The following CDH5 variants were observed in gnomAD, a reference collection of about 807,000 sequenced individuals.
CDH5 encodes cadherin-5.
In CDH5, 28 loss-of-function variants were observed where a neutral mutation model predicts 62.0. The ratio of observed to expected loss-of-function variants is 0.45; its 90% confidence interval spans 0.33 to 0.62. The LOEUF is 0.62. Among genes scored for constraint, CDH5 ranks in the 20% least tolerant of loss-of-function variants. CDH5 has a pLI of 0.02. For missense variants in CDH5, 940 were observed against 1,065.1 expected (o/e 0.88, Z 1.63); for synonymous variants, 464 against 445.8 (o/e 1.04, Z -0.52).
intron 1 of CDH5, among the ~76,000 whole-genome samples, chr16:66,373,964 T>A (rs1361627647): frequency 6.6e-6 from 1 of 152,062 alleles, no homozygotes; most frequent in Non-Finnish European, 1.5e-5. Flanking sequence ...TATTATTACA[T>A]GTGAATGTCA....
chr16:66,379,869 TGGTGGTGGCTGTG>T (rs1960858565), intron 2 of CDH5, among the ~76,000 whole-genome samples: 1 of 149,362 alleles, frequency 6.7e-6, no homozygotes, highest in East Asian at 2.0e-4. Context: ...GTGGTGATGG[TGGTGGTGGCTGTG>T]ATGGTGGTGA....
At chr16:66,375,833 T>C (rs1960775774) in intron 1 of CDH5, among the ~76,000 whole-genome samples, 1 of 150,500 alleles carries the variant, frequency 6.6e-6, no homozygotes, top group Non-Finnish European at 1.5e-5. Context: ...AGCCACCGGC[T>C]ACGGTGGCTC....
At chr16:66,379,021 A>G (rs1795365240) in intron 1 of CDH5, among the ~76,000 whole-genome samples, 1 of 152,214 alleles carries the variant, frequency 6.6e-6, no homozygotes, top group South Asian at 2.1e-4. Flanking sequence ...AGCTTCGGGG[A>G]AGAATAAGCA....
Position 66,379,331 on chromosome 16 carries a change from T to C in CDH5, c.-7T>C. The C allele has an allele frequency of 1.2e-6, 2 of 1,603,880 alleles. No individual in the cohort carries two copies. Among genetic ancestry groups the C allele is most frequent in the South Asian group, 1.1e-5 (1 of 90,614 alleles). On this transcript the variant is annotated 5_prime_UTR_variant, in exon 2 of 12. Transcript: ENST00000341529. Reference sequence around the variant, plus strand: ...CCTCTTTCCCCAGATCTGTTCCTCCTGGGAAGATGCAGAGGCTCATGATGC... The same window carrying C: ...CCTCTTTCCCCAGATCTGTTCCTCCCGGGAAGATGCAGAGGCTCATGATGC...
At chr16:66,377,663 A>C (rs77789388) in intron 1 of CDH5, 8 of 152,294 alleles carry the variant, frequency 5.3e-5, no homozygotes, top group Non-Finnish European at 1.0e-4. Flanking sequence ...GTCTGTCTCC[A>C]TATGTGAGTC....
At chr16:66,397,452 C>A (rs532356286) in intron 8 of CDH5, among the ~76,000 whole-genome samples, 3 of 152,106 alleles carry the variant, frequency 2.0e-5, no homozygotes, top group African/African-American at 7.2e-5. Context: ...CAACTCTGGG[C>A]CCCAAGCAAT....
intron 1 of CDH5, among the ~76,000 whole-genome samples, chr16:66,368,058 C>T (rs995641629): frequency 1.5e-4 from 23 of 152,284 alleles, no homozygotes; most frequent in African/African-American, 5.1e-4. Flanking sequence ...GAGGACATCG[C>T]GAGCACCTCT....
At chr16:66,375,341 C>A (rs1018732275) in intron 1 of CDH5, among the ~76,000 whole-genome samples, 2 of 151,854 alleles carry the variant, frequency 1.3e-5, no homozygotes, top group South Asian at 2.1e-4. Context: ...CCAGCTTGGG[C>A]GATATAGTCA....
rs1214426304 is a variant in CDH5 at position 66,400,951 on chromosome 16, C to A, written c.1772C>A (p.Ala591Asp). Residue 591 changes from alanine (A) to aspartate (D), a missense_variant, in exon 11 of 12, where the codon GCC becomes GAC. By Grantham distance (126) the Ala-to-Asp change is moderately radical. Coordinates refer to ENST00000341529, the MANE Select transcript of CDH5 (RefSeq NM_001795.5). ...QGEFTFCEDM[A>D]AQVGVSIQAV... ...GAGTTCACCTTCTGCGAGGATATGG[C>A]CGCCCAGGTGGGCGTGAGCATCCAG... 6.2e-7 allele frequency: 1 copy of A among 1,614,140 alleles called. No homozygotes were observed. Among genetic ancestry groups the A allele is most frequent in the Non-Finnish European group, 8.5e-7 (1 of 1,180,034 alleles).
chr16:66,386,527 G>T (rs918399542), intron 2 of CDH5, among the ~76,000 whole-genome samples: 1 of 152,068 alleles, frequency 6.6e-6, no homozygotes, highest in African/African-American at 2.4e-5. Context: ...AGAATATGTG[G>T]TATTGGATTT....
chr16:66,401,451 C>T (rs947827162), intron 11 of CDH5, among the ~76,000 whole-genome samples: 3 of 152,212 alleles, frequency 2.0e-5, no homozygotes, highest in African/African-American at 7.2e-5. Flanking sequence ...TTTAGATTGT[C>T]TCCACGTGCT....
At chr16:66,400,193 A>G (rs767696917) in intron 10 of CDH5, among the ~76,000 whole-genome samples, 10 of 152,180 alleles carry the variant, frequency 6.6e-5, no homozygotes, top group Non-Finnish European at 1.3e-4. Context: ...GGCGGGGCCA[A>G]TATTTGGACA....
chr16:66,402,570 G>A, intron 11 of CDH5, 82 bp from the exon 12 acceptor site: 2 of 1,257,334 alleles, frequency 1.6e-6, no homozygotes, highest in Non-Finnish European at 2.1e-6. Flanking sequence ...TGGGGTTGCA[G>A]GGGGCAGTGG....
chr16:66,386,668 C>CAT, intron 2 of CDH5, 141 bp from the exon 3 acceptor site: 2 of 672,988 alleles, frequency 3.0e-6, no homozygotes, highest in Non-Finnish European at 4.9e-6. Flanking sequence ...ATCTCAGTAT[C>CAT]ATATTTAGGG....
rs975561616 is a variant in CDH5, at chr16:66,383,760, A to C, written c.211-3049A>C. 3.3e-5 allele frequency among the ~76,000 whole-genome samples: 5 copies of C among 152,022 alleles called. No individual in the cohort carries two copies. In the East Asian group the frequency reaches 7.7e-4, roughly 23 times the overall value. On this transcript the variant is annotated intron_variant, in intron 2 of 11. Transcript: ENST00000341529. Reference sequence around the variant, plus strand: ...GGCCTTAGTACCTCCTCATGAACCCACCTGCCCCCTGCACGCCACAGCCTT... The same window carrying C: ...GGCCTTAGTACCTCCTCATGAACCCCCCTGCCCCCTGCACGCCACAGCCTT...
rs548102041 is a variant in CDH5 at position 66,389,202 on chromosome 16, A to G, written c.617-156A>G. On this transcript the variant is annotated intron_variant, in intron 4 of 11. Coordinates refer to ENST00000341529, the MANE Select transcript of CDH5 (RefSeq NM_001795.5). ...CAGCTTTGGCCTCACAGTATAGGCT[A>G]TGGAGGTAGTGGGTTGTAGACTCAC... Among the ~76,000 whole-genome samples the G allele has an allele frequency of 5.9e-5, 9 of 152,276 alleles. No homozygotes were observed. The South Asian group carries it at 1.9e-3, about 32-fold the overall frequency.
At chr16:66,390,620 C>T (rs757356044) in intron 6 of CDH5, 30 bp downstream of exon 6, 24 of 1,605,306 alleles carry the variant, frequency 1.5e-5, no homozygotes, top group African/African-American at 9.4e-5. Flanking sequence ...CAATGTCAAA[C>T]GTGAGGCTTG....
chr16:66,395,933 A>G, intron 7 of CDH5, 126 bp from the exon 8 acceptor site: 1 of 885,442 alleles, frequency 1.1e-6, no homozygotes, highest in Non-Finnish European at 1.8e-6. Flanking sequence ...GAGTGCAATG[A>G]GCAGTGAGAG....
chr16:66,379,236 C>A, intron 1 of CDH5, 83 bp from the exon 2 acceptor site: 1 of 988,116 alleles, frequency 1.0e-6, no homozygotes, highest in Non-Finnish European at 1.5e-6. Context: ...TTATATCTAG[C>A]TGCTCTTATG....
Sources: allele counts gnomAD v4.1 joint callset (sites outside exome capture counted in the v4.1 genomes callset), GRCh38; gene constraint gnomAD v4.1.1; transcripts MANE v1.5; gene names NCBI Gene and HGNC (gene_info 2026-07-23, HGNC 2026-07-21).